The following LMAN1 variants were observed in gnomAD, a reference collection of about 807,000 sequenced individuals.
The protein encoded by LMAN1 is lectin, mannose binding 1, also known as protein ERGIC-53.
A neutral mutation model predicts 67.8 loss-of-function variants in LMAN1; 32 were observed. The ratio of observed to expected loss-of-function variants is 0.47; its 90% CI spans 0.36 to 0.63. LMAN1 has a LOEUF of 0.63. Ranked by LOEUF, LMAN1 falls within the 30% of genes least tolerant of loss-of-function variation. LMAN1 has a pLI of 0.00. For synonymous variants in LMAN1, 235 were observed against 219.3 expected, an observed-to-expected ratio of 1.07 and a Z score of -0.63; for missense variants, 632 against 628.2, an observed-to-expected ratio of 1.01 and a Z score of -0.06.
At position 59,329,092 on chromosome 18, in the gene LMAN1, C is replaced by T. The variant is rs901581467; in HGVS notation, c.*2001G>A. 2 of 152,116 alleles carry T rather than the reference C, an allele frequency of 1.3e-5. No individual in the cohort carries two copies. The highest frequency in any genetic ancestry group is 2.1e-4 in the South Asian group (1 of 4,824). The allele number at this position is 152,116 out of a possible 1,614,324, so 9.4% of individuals were successfully genotyped here. A position where few individuals can be genotyped will look rare whatever the true frequency, so the allele number is the denominator to read the frequency against. On this transcript the variant is annotated 3_prime_UTR_variant, in exon 13 of 13. Coordinates refer to ENST00000251047, the MANE Select transcript of LMAN1 (RefSeq NM_005570.4). ...AAACCTTTTTGTTCAGAAATGAGCT[C>T]CTTAAAGTCAATGATTTTGAGAAAA...
intron 8 of LMAN1, among the ~76,000 whole-genome samples, chr18:59,343,791 T>A (rs981871786): frequency 6.6e-6 from 1 of 151,696 alleles, no homozygotes; most frequent in African/African-American, 2.4e-5. Flanking sequence ...AAAACAAAAA[T>A]AGACAAATGG....
rs776166361 is a variant in LMAN1 at position 59,359,228 on chromosome 18, T to G, written c.17A>C (p.Gln6Pro). 2.5e-6 allele frequency: 4 copies of G among 1,613,774 alleles called. No homozygotes were observed. In the South Asian group the frequency reaches 4.4e-5, roughly 18 times the overall value. MAGSR[Q>P]RGLRARVRPL... ...CCGAACTCTGGCCCGGAGACCCCTTTGCCTGGATCCCGCCATCTTGGATTC... is the reference window on the plus strand; with the variant it reads ...CCGAACTCTGGCCCGGAGACCCCTTGGCCTGGATCCCGCCATCTTGGATTC... The change falls in exon 1 of 13, where the codon CAA becomes CCA. Residue 6 changes from glutamine to proline, a missense_variant. Transcript: ENST00000251047.
At chr18:59,336,090 C>G (rs569065629) in intron 10 of LMAN1, among the ~76,000 whole-genome samples, 3 of 152,264 alleles carry the variant, frequency 2.0e-5, no homozygotes, top group African/African-American at 7.2e-5. Flanking sequence ...TGGTTTAACA[C>G]AAGAGTAGGT....
At chr18:59,331,152 A>G (rs1425720215) in intron 12 of LMAN1, 23 bp from the exon 13 acceptor site, 1 of 1,604,108 alleles carries the variant, frequency 6.2e-7, no homozygotes, top group Admixed American at 1.7e-5. Flanking sequence ...AGAAACAAAC[A>G]CTTAAAGAAG....
chr18:59,349,300 C>A, intron 5 of LMAN1, 64 bp from the exon 6 acceptor site: 2 of 1,415,154 alleles, frequency 1.4e-6, no homozygotes, highest in Middle Eastern at 2.1e-4. Flanking sequence ...TTCAATCGAT[C>A]CATTTTATGA....
intron 10 of LMAN1, among the ~76,000 whole-genome samples, chr18:59,335,633 G>C (rs41340848): frequency 6.6e-6 from 1 of 152,026 alleles, no homozygotes; most frequent in Non-Finnish European, 1.5e-5. Flanking sequence ...TAGAACCATA[G>C]TATTCATATA....
At position 59,352,918 on chromosome 18, in the gene LMAN1, T is replaced by C. The variant is rs28540934; in HGVS notation, c.639+284A>G. ...TGGAGATTATCCGTCTATCTATCTA[T>C]CTACCTATCTATCTATCTATCTATA... On this transcript the variant is annotated intron_variant, in intron 5 of 12. Coordinates refer to ENST00000251047, the MANE Select transcript of LMAN1 (RefSeq NM_005570.4). 42 of 362,942 alleles carry C rather than the reference T, an allele frequency of 1.2e-4. No homozygotes were observed. Among genetic ancestry groups the C allele is most frequent in the South Asian group, 6.1e-4 (26 of 42,650 alleles). 22.5% of individuals were successfully genotyped at this position (362,942 alleles called of 1,614,324 possible).
rs41451847 is a variant in LMAN1, at chr18:59,358,799, G to C, written c.214+232C>G. On this transcript the variant is annotated intron_variant, in intron 1 of 12. Transcript: ENST00000251047. ...GATCAAAGAAGGGAAGACAGCAGGCGGGTGAGAGAGAACAGAATGGGTGAG... is the reference window on the plus strand; with the variant it reads ...GATCAAAGAAGGGAAGACAGCAGGCCGGTGAGAGAGAACAGAATGGGTGAG... Among the ~76,000 whole-genome samples, 724 of 152,258 alleles carry C rather than the reference G, an allele frequency of 4.8e-3. 6 individuals carry two copies. Among genetic ancestry groups the C allele is most frequent in the African/African-American group, 0.016 (679 of 41,548 alleles).
intron 8 of LMAN1, among the ~76,000 whole-genome samples, chr18:59,343,085 T>A (rs1169733946): frequency 6.6e-6 from 1 of 150,740 alleles, no homozygotes; most frequent in Non-Finnish European, 1.5e-5. Context: ...AGAAATATAT[T>A]TAACCAAGAA....
In LMAN1 at chr18:59,355,511, T is replaced by A. The variant is rs1265997159; in HGVS notation, c.362A>T (p.Asp121Val). ...RVTGRGRIGA[D>V]GLAIWYAENQ... is the part of the protein sequence containing the mutation. Reference sequence around the variant, plus strand: ...TTAAAGAAATGATCATACTAGGCCATCAGCTCCAATTCGACCTCTTCCAGT... The same window carrying A: ...TTAAAGAAATGATCATACTAGGCCAACAGCTCCAATTCGACCTCTTCCAGT... Residue 121 changes from aspartate to valine, a missense_variant, in exon 2 of 13, where the codon GAT becomes GTT. Transcript: ENST00000251047. 1.2e-6 allele frequency: 2 copies of A among 1,614,100 alleles called. No individual in the cohort carries two copies. Among genetic ancestry groups the A allele is most frequent in the Non-Finnish European group, 1.7e-6 (2 of 1,179,972 alleles).
intron 5 of LMAN1, among the ~76,000 whole-genome samples, chr18:59,351,841 AG>A (rs1335758095): frequency 8.5e-5 from 13 of 152,310 alleles, no homozygotes; most frequent in Admixed American, 6.5e-4. Flanking sequence ...GAAACTGTAC[AG>A]GGTGAATAAT....
In LMAN1 at chr18:59,330,881, C is replaced by G; in HGVS notation, c.*212G>C. ...GGCTGCATCATACTGACCAGAAATTCACTGAAATTTAGACAGATTTACATA... is the reference window on the plus strand; with the variant it reads ...GGCTGCATCATACTGACCAGAAATTGACTGAAATTTAGACAGATTTACATA... On this transcript the variant is annotated 3_prime_UTR_variant, in exon 13 of 13. Coordinates refer to ENST00000251047, the MANE Select transcript of LMAN1 (RefSeq NM_005570.4). The G allele has an allele frequency of 1.8e-6, 1 of 562,684 alleles. No homozygotes were observed. The highest frequency in any genetic ancestry group is 2.4e-5 in the South Asian group (1 of 42,394). 34.9% of individuals were successfully genotyped at this position (562,684 alleles called of 1,614,324 possible).
intron 8 of LMAN1, among the ~76,000 whole-genome samples, chr18:59,341,120 A>G (rs758453299): frequency 6.6e-6 from 1 of 152,232 alleles, no homozygotes; most frequent in Non-Finnish European, 1.5e-5. Flanking sequence ...AAAGAAGGTT[A>G]TTATATAATG....
intron 8 of LMAN1, 108 bp downstream of exon 8, chr18:59,345,811 G>T: frequency 8.1e-7 from 1 of 1,241,584 alleles, no homozygotes; most frequent in Non-Finnish European, 1.2e-6. Flanking sequence ...CTTGGAATGT[G>T]CCTGTTCAGA....
Position 59,359,053 on chromosome 18 carries a change from C to G in LMAN1, c.192G>C (p.Val64=), listed in dbSNP as rs1908733753. Residue 64 remains valine (V), a synonymous_variant, in exon 1 of 13, where the codon GTG becomes GTC. Transcript: ENST00000251047. ...TACTCCCCGCGTGGGCCCAGAAGGG[C>G]ACGGTCCCGTCGCTCTGCACCAGGT... ...GPHLVQSDGT[V]PFWAHAGNAI... The G allele has an allele frequency of 1.1e-5, 17 of 1,613,908 alleles. No individual in the cohort carries two copies. Among genetic ancestry groups the G allele is most frequent in the Non-Finnish European group, 1.4e-5 (16 of 1,179,982 alleles).
Position 59,330,979 on chromosome 18 carries a change from T to A in LMAN1, c.*114A>T, listed in dbSNP as rs1471896193. 1 of 737,322 alleles carries A rather than the reference T, an allele frequency of 1.4e-6. No homozygotes were observed. The highest frequency in any genetic ancestry group is 2.7e-5 in the East Asian group (1 of 36,786). 45.7% of individuals were successfully genotyped at this position (737,322 alleles called of 1,614,324 possible). On this transcript the variant is annotated 3_prime_UTR_variant, in exon 13 of 13. Transcript: ENST00000251047. ...TAACTGCAAATCAATGTTTAAACAG[T>A]TATTTTATTAAGAAAATTAATAATT...
chr18:59,337,145 T>C (rs1462965516), intron 10 of LMAN1, among the ~76,000 whole-genome samples: 1 of 148,840 alleles, frequency 6.7e-6, no homozygotes, highest in African/African-American at 2.4e-5. Context: ...CAGTAATATC[T>C]TACCAATCTT....
Position 59,331,109 on chromosome 18 carries a change from G to T in LMAN1, c.1517C>A (p.Ala506Asp). 6.2e-7 allele frequency: 1 copy of T among 1,611,664 alleles called. No homozygotes were observed. The highest frequency in any genetic ancestry group is 8.5e-7 in the Non-Finnish European group (1 of 1,178,352). ...IMYRSQQEAA[A>D]KKFF is the part of the protein sequence containing the mutation. ...AAATGGTAGTCAAAAGAATTTTTTG[G>T]CAGCTGCTTCTTGCTGAGACCTAAT... The change falls in exon 13 of 13, where the codon GCC becomes GAC. Residue 506 changes from alanine (A) to aspartate (D), a missense_variant. Transcript: ENST00000251047.
chr18:59,353,222 A>G lies in LMAN1; in HGVS notation c.619T>C (p.Tyr207His), dbSNP rs1187297812. ...KPYPVRAKIT[Y>H]YQNTLTVMIN... ...CTTACTGTCAGTGTGTTCTGGTAATAGGTAATCTTTGCTCGGACAGGATAG... is the reference window on the plus strand; with the variant it reads ...CTTACTGTCAGTGTGTTCTGGTAATGGGTAATCTTTGCTCGGACAGGATAG... Residue 207 changes from tyrosine to histidine, a missense_variant, in exon 5 of 13, where the codon TAT (tyrosine) becomes CAT (histidine). By Grantham distance (83) the Tyr-to-His change is moderately conservative. Coordinates refer to ENST00000251047, the MANE Select transcript of LMAN1 (RefSeq NM_005570.4). The G allele has an allele frequency of 6.2e-7, 1 of 1,613,796 alleles. No individual in the cohort carries two copies. The highest frequency in any genetic ancestry group is 1.7e-5 in the Admixed American group (1 of 60,022).
Sources: gnomAD v4.1 joint callset for allele counts (sites outside exome capture counted in the v4.1 genomes callset) on GRCh38, gnomAD v4.1.1 for gene constraint, MANE v1.5 for transcripts, NCBI Gene and HGNC (gene_info 2026-07-23, HGNC 2026-07-21) for gene names.